Variants in MTMR10 observed in about 807,000 individuals in gnomAD.
The protein encoded by MTMR10 is myotubularin-related protein 10.
Under a neutral mutation model 88.1 loss-of-function variants are expected in MTMR10, and 56 were observed. That is an observed-to-expected ratio of 0.64 (90% CI 0.51 to 0.79). The LOEUF (loss-of-function observed/expected upper bound fraction) is 0.79, where lower values mean the gene tolerates loss of function less well. Ranked by LOEUF, MTMR10 falls within the 30% of genes least tolerant of loss-of-function variation. The pLI, the probability that MTMR10 is intolerant of heterozygous loss-of-function variation, is 0.00. For missense variants in MTMR10, 883 were observed against 924.7 expected, an observed-to-expected ratio of 0.95 and a Z score of 0.58; for synonymous variants, 380 against 340.9, an observed-to-expected ratio of 1.11 and a Z score of -1.26.
chr15:30,958,005 G>A (rs1002461917), intron 9 of MTMR10, among the ~76,000 whole-genome samples: 1 of 152,228 alleles, frequency 6.6e-6, no homozygotes, highest in African/African-American at 2.4e-5. Flanking sequence ...GGGAAAGAAA[G>A]AGGAAGGCAT....
chr15:30,951,336 A>T (rs2063242699), intron 12 of MTMR10, among the ~76,000 whole-genome samples: 1 of 152,200 alleles, frequency 6.6e-6, no homozygotes, highest in South Asian at 2.1e-4. Context: ...ATTTGTACAA[A>T]TTAGACAGCA....
In MTMR10 at chr15:30,948,329, G is replaced by C; in HGVS notation, c.1350C>G (p.Cys450Trp). The C allele has an allele frequency of 2.5e-6, 4 of 1,613,632 alleles. No individual in the cohort carries two copies. The highest frequency in any genetic ancestry group is 2.2e-5 in the East Asian group (1 of 44,842). The change falls in exon 13 of 16, where the codon TGC (cysteine) becomes TGG (tryptophan). Residue 450 changes from cysteine (C) to tryptophan (W), a missense_variant. By Grantham distance (215) the Cys-to-Trp change is radical. Transcript: ENST00000435680. The part of the protein sequence containing the change: ...VMAGYQFLDR[C>W]NHLKRSEKES... ...CTTTCTCTGATCTCTTTAGATGGTT[G>C]CATCTGTCTAGAAACTGATATCCTG...
chr15:30,976,618 AC>A (rs1286400743), intron 3 of MTMR10, among the ~76,000 whole-genome samples, 200 bp downstream of exon 3: 2 of 152,230 alleles, frequency 1.3e-5, no homozygotes, highest in Non-Finnish European at 2.9e-5. Context: ...AAGGTGACTT[AC>A]AATCCTCTCA....
At chr15:30,950,715 T>C (rs1408248898) in intron 12 of MTMR10, among the ~76,000 whole-genome samples, 4 of 152,080 alleles carry the variant, frequency 2.6e-5, no homozygotes, top group Non-Finnish European at 5.9e-5. Context: ...ACATTTTGTA[T>C]TCATATACTA....
downstream of MTMR10, among the ~76,000 whole-genome samples, chr15:30,937,418 C>A (rs891914519): frequency 8.0e-5 from 12 of 150,810 alleles, no homozygotes; most frequent in African/African-American, 2.9e-4. Context: ...CTTGAATACA[C>A]TCATTGATTC....
chr15:30,939,828 TA>T lies in MTMR10; in HGVS notation c.*1641del. 4.1e-6 allele frequency: 4 copies of T among 985,250 alleles called. No individual in the cohort carries two copies. Among genetic ancestry groups the T allele is most frequent in the Non-Finnish European group, 4.8e-6 (4 of 829,720 alleles). 61.0% of individuals were successfully genotyped at this position (985,250 alleles called of 1,614,324 possible). ...GGGTCTGGTTTCTAATCAAGGACTG[TA>T]AAATGTTTAATAATTCTATTTGTAT... On this transcript the variant is annotated 3_prime_UTR_variant, in exon 16 of 16. Transcript: ENST00000435680.
At chr15:30,977,221 T>G (rs967689742) in intron 2 of MTMR10, among the ~76,000 whole-genome samples, 11 of 152,218 alleles carry the variant, frequency 7.2e-5, no homozygotes, top group African/African-American at 2.7e-4. Flanking sequence ...ACTTTTTTCC[T>G]ATGCCATACT....
At position 30,954,889 on chromosome 15, in the gene MTMR10, A is replaced by G. The variant is rs2063300153; in HGVS notation, c.940T>C (p.Cys314Arg). 1.9e-6 allele frequency: 3 copies of G among 1,542,470 alleles called. No individual in the cohort carries two copies. Among genetic ancestry groups the G allele is most frequent in the South Asian group, 1.2e-5 (1 of 81,946 alleles). The change falls in exon 10 of 16, where the codon TGT (cysteine) becomes CGT (arginine). Residue 314 changes from cysteine to arginine, a missense_variant. Transcript: ENST00000435680. ...LQQRKIDQRI[C>R]NAITKSHPQR... ...GGGTGACTTTTAGTTATTGCATTAC[A>G]AATCCTAATAAAGACAAAAATACTT...
At position 30,941,473 on chromosome 15, in the gene MTMR10, G is replaced by A; in HGVS notation, c.2331C>T (p.Asp777=). ...AATGTTCAGAAAACACCCTATTTTA[G>A]TCTTCATTTGCTAATGTCTCAGTAG... ...WLSTETLANE[D] Residue 777 remains aspartate, a synonymous_variant, in exon 16 of 16, where the codon GAC becomes GAT. Coordinates refer to ENST00000435680, the MANE Select transcript of MTMR10 (RefSeq NM_017762.3). 6.2e-7 allele frequency: 1 copy of A among 1,602,146 alleles called. No individual in the cohort carries two copies. Among genetic ancestry groups the A allele is most frequent in the Non-Finnish European group, 8.5e-7 (1 of 1,173,732 alleles).
chr15:30,938,842 C>T (rs902235909), downstream of MTMR10: 2 of 917,008 alleles, frequency 2.2e-6, no homozygotes, highest in African/African-American at 3.6e-5. Context: ...CAAGCAGAAA[C>T]ATCCCATGGA....
At chr15:30,984,459 C>G (rs1015694395) in intron 2 of MTMR10, among the ~76,000 whole-genome samples, 2 of 152,138 alleles carry the variant, frequency 1.3e-5, no homozygotes, top group African/African-American at 4.8e-5. Context: ...AATCAGTCTA[C>G]AATCATTTAT....
chr15:30,948,537 A>C, intron 12 of MTMR10, 66 bp from the exon 13 acceptor site: 1 of 1,478,874 alleles, frequency 6.8e-7, no homozygotes, highest in Non-Finnish European at 9.2e-7. Flanking sequence ...AGGGAAGGAA[A>C]GGTAAACTAG....
In MTMR10 at chr15:30,991,511, C is replaced by A. The variant is rs568902405; in HGVS notation, c.-5G>T. 1.3e-6 allele frequency: 2 copies of A among 1,532,084 alleles called. No individual in the cohort carries two copies. Among genetic ancestry groups the A allele is most frequent in the Middle Eastern group, 1.7e-4 (1 of 5,756 alleles). 94.9% of individuals were successfully genotyped at this position (1,532,084 alleles called of 1,614,324 possible). A position where few individuals can be genotyped will look rare whatever the true frequency, so the allele number is the denominator to read the frequency against. On this transcript the variant is annotated 5_prime_UTR_variant, in exon 1 of 16. Coordinates refer to ENST00000435680, the MANE Select transcript of MTMR10 (RefSeq NM_017762.3). ...GGGCGGCTTGAGGGAGAACATGGTG[C>A]CGCCGCCTTTTCGCCCCGTTCCCGT...
chr15:30,920,648 T>C, the MTMR10 span: 3 of 1,595,138 alleles, frequency 1.9e-6, no homozygotes, highest in Non-Finnish European at 2.6e-6. Flanking sequence ...ACTTCACATG[T>C]ATGAGGTTAG....
chr15:30,929,946 T>C, the MTMR10 span, among the ~76,000 whole-genome samples: 6 of 120,486 alleles, frequency 5.0e-5, 1 homozygote, highest in African/African-American at 2.0e-4. Flanking sequence ...AAATATATAA[T>C]ATAATATATA....
At chr15:30,937,985 A>C (rs1225570004), downstream of MTMR10, among the ~76,000 whole-genome samples, 1 of 151,678 alleles carries the variant, frequency 6.6e-6, no homozygotes, top group Non-Finnish European at 1.5e-5. Flanking sequence ...AGAGATCGAG[A>C]CCATCCTGGC....
chr15:30,951,921 C>A (rs1287951435), intron 12 of MTMR10, 47 bp downstream of exon 12: 2 of 1,520,920 alleles, frequency 1.3e-6, no homozygotes, highest in South Asian at 2.2e-5. Flanking sequence ...TAAACCAAGG[C>A]TGGCTGGTAT....
intron 5 of MTMR10, 129 bp from the exon 6 acceptor site, chr15:30,968,139 G>T: frequency 1.6e-6 from 1 of 613,850 alleles, no homozygotes; most frequent in Non-Finnish European, 2.7e-6. Context: ...ATGTTTTTCT[G>T]TTGACCTAGA....
intron 9 of MTMR10, among the ~76,000 whole-genome samples, chr15:30,957,394 C>G (rs562563997): frequency 6.6e-6 from 1 of 152,168 alleles, no homozygotes; most frequent in Non-Finnish European, 1.5e-5. Context: ...GGAGAGAAGG[C>G]TTATCTTGAG....
Sources: gnomAD v4.1 joint callset for allele counts (sites outside exome capture counted in the v4.1 genomes callset) on GRCh38, gnomAD v4.1.1 for gene constraint, MANE v1.5 for transcripts, NCBI Gene and HGNC (gene_info 2026-07-23, HGNC 2026-07-21) for gene names.